The following MYBPC1 variants were observed in gnomAD, a reference collection of about 807,000 sequenced individuals.
MYBPC1 encodes the protein myosin binding protein C1.
Under a neutral mutation model 147.1 loss-of-function variants are expected in MYBPC1, and 52 were observed. The observed-to-expected ratio is 0.35, with a 90% CI of 0.28 to 0.45. The LOEUF (loss-of-function observed/expected upper bound fraction) is 0.45, where lower values mean the gene tolerates loss of function less well. MYBPC1 is among the 20% of genes least tolerant of loss of function. The pLI, the probability that MYBPC1 is intolerant of heterozygous loss-of-function variation, is 1.00. For missense variants in MYBPC1, 1,228 were observed against 1,440.3 expected, an observed-to-expected ratio of 0.85 and a Z score of 2.39; for synonymous variants, 477 against 475.9, an observed-to-expected ratio of 1.00 and a Z score of -0.03.
intron 3 of MYBPC1, among the ~76,000 whole-genome samples, chr12:101,624,219 T>C (rs1888043726): frequency 6.6e-6 from 1 of 152,150 alleles, no homozygotes; most frequent in South Asian, 2.1e-4. Context: ...GATTCTGAAG[T>C]AATGATATTA....
At chr12:101,658,504 TCA>T (rs1895990416) in intron 18 of MYBPC1, among the ~76,000 whole-genome samples, 1 of 152,132 alleles carries the variant, frequency 6.6e-6, no homozygotes. Flanking sequence ...TATCCTCCTG[TCA>T]CCACTGCTTT....
chr12:101,609,868 G>A (rs11110884), intron 1 of MYBPC1, among the ~76,000 whole-genome samples: 2,272 of 152,308 alleles, frequency 0.015, 58 homozygotes, highest in East Asian at 0.098. Flanking sequence ...TAGGTTGCAA[G>A]GATGCTCCTG....
chr12:101,632,597 TA>T (rs1890133100), intron 8 of MYBPC1, among the ~76,000 whole-genome samples: 1 of 152,178 alleles, frequency 6.6e-6, no homozygotes, highest in Non-Finnish European at 1.5e-5. Context: ...ATAGAAGGCC[TA>T]AATGCATACG....
intron 3 of MYBPC1, among the ~76,000 whole-genome samples, chr12:101,618,492 G>T (rs921825027): frequency 1.3e-5 from 2 of 152,166 alleles, no homozygotes; most frequent in African/African-American, 4.8e-5. Flanking sequence ...TCTCTACAAG[G>T]CCAATGGGCA....
At chr12:101,664,782 C>T (rs898671387) in intron 22 of MYBPC1, among the ~76,000 whole-genome samples, 1 of 152,116 alleles carries the variant, frequency 6.6e-6, no homozygotes, top group Admixed American at 6.5e-5. Context: ...AAGCCACTAA[C>T]CAAAAGCAGT....
chr12:101,630,425 T>C (rs896986993), intron 6 of MYBPC1, among the ~76,000 whole-genome samples: 5 of 152,206 alleles, frequency 3.3e-5, no homozygotes, highest in Admixed American at 6.5e-5. Flanking sequence ...GTTTAACTTC[T>C]TTATGCCTCA....
Position 101,680,466 on chromosome 12 carries a change from T to C in MYBPC1, c.3370T>C (p.Tyr1124His). ...GCCCAGCCCCTATGATGGAGGCACT[T>C]ACTGCTGCAAAGCAGTCAATGACCT... ...RKPSPYDGGTYCCKAVNDLGT... is the reference protein window; with the variant it reads ...RKPSPYDGGTHCCKAVNDLGT... Residue 1124 changes from tyrosine (Y) to histidine (H), a missense_variant, in exon 29 of 32, where the codon TAC becomes CAC. Tyr to His is a moderately conservative substitution (Grantham distance 83). This residue lies in a region of MYBPC1 where 1,077 missense variants were observed against 1,314.2 expected (regional missense o/e 0.82). Transcript: ENST00000361466. The C allele has an allele frequency of 1.1e-5, 17 of 1,614,162 alleles. No individual in the cohort carries two copies. Among genetic ancestry groups the C allele is most frequent in the Non-Finnish European group, 1.3e-5 (15 of 1,179,988 alleles).
chr12:101,636,594 C>T, intron 9 of MYBPC1, 78 bp from the exon 10 acceptor site: 1 of 1,182,582 alleles, frequency 8.5e-7, no homozygotes, highest in Middle Eastern at 1.9e-4. Flanking sequence ...ATATACGTTA[C>T]ATGTAGAGTG....
chr12:101,644,439 C>T (rs770137431), intron 11 of MYBPC1, among the ~76,000 whole-genome samples: 1 of 152,146 alleles, frequency 6.6e-6, no homozygotes, highest in Non-Finnish European at 1.5e-5. Context: ...CTTTTCTTAC[C>T]TTTCTTCTAG....
chr12:101,651,647 C>T (rs949065507), intron 16 of MYBPC1, among the ~76,000 whole-genome samples: 3 of 152,116 alleles, frequency 2.0e-5, no homozygotes, highest in Non-Finnish European at 4.4e-5. Context: ...TCCATTTAAA[C>T]ATGAAGTTAG....
downstream of MYBPC1, among the ~76,000 whole-genome samples, chr12:101,687,379 C>A (rs555696996): frequency 9.5e-4 from 144 of 152,252 alleles, no homozygotes; most frequent in African/African-American, 3.3e-3. Flanking sequence ...CAGCTTCATC[C>A]ATGTCCCTAC....
chr12:101,629,663 A>G, intron 6 of MYBPC1, 119 bp downstream of exon 6: 1 of 739,512 alleles, frequency 1.4e-6, no homozygotes, highest in South Asian at 1.5e-5. Flanking sequence ...ATTTGAGCTC[A>G]GGAGTTCGAG....
intron 1 of MYBPC1, among the ~76,000 whole-genome samples, chr12:101,609,383 C>T (rs1466056502): frequency 1.3e-5 from 2 of 152,062 alleles, no homozygotes; most frequent in African/African-American, 4.8e-5. Context: ...CCTCCACCTC[C>T]TGGGCTTAAG....
Position 101,649,287 on chromosome 12 carries a change from T to C in MYBPC1, c.1224T>C (p.Pro408=), listed in dbSNP as rs1479817762. Residue 408 remains proline, a synonymous_variant, in exon 15 of 32, where the codon CCT becomes CCC. Coordinates refer to ENST00000361466, the MANE Select transcript of MYBPC1 (RefSeq NM_002465.4). ...TTAAGAATGGTGAAGAGATTATCCC[T>C]GGTCCAAAATCAAGATACCGAATTA... is the stretch of plus-strand genomic sequence containing the variant. ...KWFKNGEEII[P]GPKSRYRIRV... 1 of 1,613,756 alleles carries C rather than the reference T, an allele frequency of 6.2e-7. No individual in the cohort carries two copies.
At chr12:101,629,953 G>A (rs760293587) in intron 6 of MYBPC1, among the ~76,000 whole-genome samples, 1 of 152,116 alleles carries the variant, frequency 6.6e-6, no homozygotes, top group East Asian at 1.9e-4. Flanking sequence ...CTATTAGTAC[G>A]TTCGCAATGT....
intron 3 of MYBPC1, among the ~76,000 whole-genome samples, chr12:101,618,390 T>C (rs1886616398): frequency 6.6e-6 from 1 of 152,188 alleles, no homozygotes; most frequent in Non-Finnish European, 1.5e-5. Flanking sequence ...TATTTGCTTA[T>C]GGAATGCAGA....
At position 101,675,315 on chromosome 12, in the gene MYBPC1, G is replaced by A; in HGVS notation, c.2833G>A (p.Val945Met). Residue 945 changes from valine to methionine, a missense_variant, in exon 26 of 32, where the codon GTG becomes ATG. Physicochemically the swap from Val to Met is conservative, Grantham distance 21 (BLOSUM62 1). This residue lies in a region of MYBPC1 where 1,077 missense variants were observed against 1,314.2 expected (regional missense o/e 0.82). Transcript: ENST00000361466. The stretch of plus-strand genomic sequence containing the variant: ...AGACCGTCCAGGTCCACCCCAAATT[G>A]TGAAGATTGAGGATGTCTGGGGAGA... ...IIDRPGPPQI[V>M]KIEDVWGENV... 6.2e-7 allele frequency: 1 copy of A among 1,614,102 alleles called. No individual in the cohort carries two copies. Among genetic ancestry groups the A allele is most frequent in the Middle Eastern group, 1.6e-4 (1 of 6,062 alleles).
At position 101,677,333 on chromosome 12, in the gene MYBPC1, C is replaced by T; in HGVS notation, c.3048C>T (p.Asn1016=). The T allele has an allele frequency of 6.2e-7, 1 of 1,613,982 alleles. No homozygotes were observed. Among genetic ancestry groups the T allele is most frequent in the Non-Finnish European group, 8.5e-7 (1 of 1,179,976 alleles). Residue 1016 remains asparagine, a synonymous_variant, in exon 27 of 32, where the codon AAC becomes AAT. Transcript: ENST00000361466. ...ATTACTTCCGGGTCTTTTCTGAAAA[C>T]ATGTGTGGCCTCAGTGAGGATGCCA... is the stretch of plus-strand genomic sequence containing the variant. The part of the protein sequence containing the change: ...NEYYFRVFSE[N]MCGLSEDATM...
At chr12:101,674,127 T>C (rs774994147) in intron 25 of MYBPC1, among the ~76,000 whole-genome samples, 60 of 152,272 alleles carry the variant, frequency 3.9e-4, no homozygotes, top group Admixed American at 9.2e-4. Context: ...TCACAGGAGA[T>C]TTAAGGCATA....
Sources: allele counts gnomAD v4.1 joint callset (sites outside exome capture counted in the v4.1 genomes callset), GRCh38; gene constraint gnomAD v4.1.1; regional missense constraint gnomAD v4.1.1; transcripts MANE v1.5; gene names NCBI Gene and HGNC (gene_info 2026-07-23, HGNC 2026-07-21).